The following PEAK1 variants were observed in gnomAD, a reference collection of about 807,000 sequenced individuals.
PEAK1 encodes inactive tyrosine-protein kinase PEAK1.
PEAK1 carries 54 observed loss-of-function variants against 124.7 expected under a neutral mutation model. That is an observed-to-expected ratio of 0.43 (90% CI 0.35 to 0.54). The LOEUF (loss-of-function observed/expected upper bound fraction) is 0.54. Among genes scored for constraint, PEAK1 ranks in the 20% least tolerant of loss-of-function variants. The pLI, the probability that PEAK1 is intolerant of heterozygous loss-of-function variation, is 0.01. For missense variants in PEAK1, 2,046 were observed against 2,134.5 expected (o/e 0.96, Z 0.82); for synonymous variants, 719 against 760.0 (o/e 0.95, Z 0.89).
At chr15:77,164,832 G>C (rs1169788864) in intron 7 of PEAK1, among the ~76,000 whole-genome samples, 1 of 152,104 alleles carries the variant, frequency 6.6e-6, no homozygotes, top group Non-Finnish European at 1.5e-5. Context: ...GAAAAGGCAA[G>C]GTATTAGAAG....
At chr15:77,209,039 C>A (rs867095537) in intron 6 of PEAK1, among the ~76,000 whole-genome samples, 2 of 152,180 alleles carry the variant, frequency 1.3e-5, no homozygotes, top group Middle Eastern at 3.4e-3. Flanking sequence ...TACAGACTAG[C>A]AAGTAAACTG....
At chr15:77,346,360 C>G (rs561250439) in intron 2 of PEAK1, 7 of 983,612 alleles carry the variant, frequency 7.1e-6, no homozygotes, top group Non-Finnish European at 8.5e-6. Context: ...GGAATTTGTT[C>G]CTGTTCTATA....
At chr15:77,123,019 A>G (rs934541604) in intron 9 of PEAK1, among the ~76,000 whole-genome samples, 3 of 149,748 alleles carry the variant, frequency 2.0e-5, no homozygotes, top group African/African-American at 7.3e-5. Context: ...TCCACAGTTC[A>G]CCTCTACATT....
intron 6 of PEAK1, among the ~76,000 whole-genome samples, chr15:77,249,150 T>A (rs1171361868): frequency 6.6e-6 from 1 of 152,048 alleles, no homozygotes; most frequent in Non-Finnish European, 1.5e-5. Context: ...TTTTTTTTTT[T>A]CTGGACAAAT....
At chr15:77,253,249 G>T (rs112577031) in intron 5 of PEAK1, among the ~76,000 whole-genome samples, 3,421 of 148,442 alleles carry the variant, frequency 0.023, 160 homozygotes, top group African/African-American at 0.075. Flanking sequence ...ATGCGTTGGG[G>T]GGGGGGTGGT....
intron 9 of PEAK1, among the ~76,000 whole-genome samples, chr15:77,132,093 T>C (rs892676615): frequency 1.6e-4 from 24 of 152,080 alleles, no homozygotes; most frequent in Admixed American, 1.6e-3. Context: ...ACCTACTTTT[T>C]TTTTTGAGAC....
intron 5 of PEAK1, among the ~76,000 whole-genome samples, chr15:77,255,703 T>C (rs1034863277): frequency 6.6e-6 from 1 of 152,166 alleles, no homozygotes; most frequent in African/African-American, 2.4e-5. Context: ...AATACACTTA[T>C]GGTTATAAAC....
intron 2 of PEAK1, among the ~76,000 whole-genome samples, chr15:77,364,949 CAA>C (rs770401951): frequency 7.2e-5 from 11 of 152,088 alleles, no homozygotes; most frequent in Non-Finnish European, 1.6e-4. Context: ...AAAATTCACT[CAA>C]AAGTATTTTA....
chr15:77,298,353 G>A (rs1318367415), intron 2 of PEAK1, among the ~76,000 whole-genome samples: 4 of 150,380 alleles, frequency 2.7e-5, no homozygotes, highest in Non-Finnish European at 5.9e-5. Flanking sequence ...CGAGTAGCTG[G>A]GACTACAGGC....
chr15:77,286,839 A>C (rs1337125932), intron 2 of PEAK1, among the ~76,000 whole-genome samples: 3 of 152,192 alleles, frequency 2.0e-5, no homozygotes, highest in African/African-American at 7.2e-5. Flanking sequence ...AGTGTAGTTT[A>C]TTATAATACA....
chr15:77,361,983 A>G (rs2067918294), intron 2 of PEAK1, among the ~76,000 whole-genome samples: 1 of 152,228 alleles, frequency 6.6e-6, no homozygotes, highest in Non-Finnish European at 1.5e-5. Context: ...CCAGAAACAA[A>G]AAGTTAAATA....
In PEAK1 at chr15:77,109,817, A is replaced by C. The variant is rs2050882607; in HGVS notation, c.*4339T>G. On this transcript the variant is annotated 3_prime_UTR_variant, in exon 10 of 10. Coordinates refer to ENST00000682557, the MANE Select transcript of PEAK1 (RefSeq NM_001385026.1). ...ATGAAAAACATGCCAGGGTTGGCCC[A>C]GCAAGTCCAGTTTGTCTCACCCCTC... is the stretch of plus-strand genomic sequence containing the variant. 1 of 152,226 alleles carries C rather than the reference A, an allele frequency of 6.6e-6. No homozygotes were observed. The highest frequency in any genetic ancestry group is 2.1e-4 in the South Asian group (1 of 4,832). The allele number at this position is 152,226 out of a possible 1,614,324, so 9.4% of individuals were successfully genotyped here.
intron 9 of PEAK1, among the ~76,000 whole-genome samples, chr15:77,130,925 C>A (rs374996356): frequency 1.8e-4 from 28 of 152,258 alleles, no homozygotes; most frequent in African/African-American, 6.3e-4. Flanking sequence ...AACAACAGCT[C>A]CATAAGATGG....
Position 77,111,984 on chromosome 15 carries a change from G to A in PEAK1, c.*2172C>T, listed in dbSNP as rs2051002567. The stretch of plus-strand genomic sequence containing the variant: ...TGCATAATCAGGCAAGGAGTTATGT[G>A]CACATGTTCTATGCTAAGATGAACC... On this transcript the variant is annotated 3_prime_UTR_variant, in exon 10 of 10. Transcript: ENST00000682557. 6.6e-6 allele frequency: 1 copy of A among 152,236 alleles called. No homozygotes were observed. The highest frequency in any genetic ancestry group is 2.4e-5 in the African/African-American group (1 of 41,462). The allele number at this position is 152,236 out of a possible 1,614,324, so 9.4% of individuals were successfully genotyped here.
chr15:77,189,334 A>G (rs1241404661), intron 6 of PEAK1, among the ~76,000 whole-genome samples: 2 of 152,232 alleles, frequency 1.3e-5, no homozygotes, highest in Non-Finnish European at 2.9e-5. Context: ...TGGCAGAGCC[A>G]GGATGAATGC....
intron 6 of PEAK1, among the ~76,000 whole-genome samples, chr15:77,226,813 T>C (rs2059698063): frequency 6.6e-6 from 1 of 152,096 alleles, no homozygotes; most frequent in African/African-American, 2.4e-5. Context: ...CTTTAATCCC[T>C]CTACTTCCTT....
intron 2 of PEAK1, among the ~76,000 whole-genome samples, chr15:77,312,837 G>GT (rs1231633273): frequency 2.6e-5 from 4 of 152,226 alleles, no homozygotes; most frequent in African/African-American, 9.6e-5. Flanking sequence ...GGCCAGCACT[G>GT]TGTCACAGGG....
intron 9 of PEAK1, among the ~76,000 whole-genome samples, chr15:77,118,879 A>G (rs1421076713): frequency 6.6e-6 from 1 of 152,138 alleles, no homozygotes; most frequent in Non-Finnish European, 1.5e-5. Flanking sequence ...GTTTGGGAAA[A>G]TCTACTTAAA....
At chr15:77,382,708 T>C (rs1355257076) in intron 1 of PEAK1, among the ~76,000 whole-genome samples, 2 of 152,194 alleles carry the variant, frequency 1.3e-5, no homozygotes, top group African/African-American at 4.8e-5. Context: ...CTCTTCTTTT[T>C]CTTCTATTTT....
Sources: gnomAD v4.1 joint callset for allele counts (sites outside exome capture counted in the v4.1 genomes callset) on GRCh38, gnomAD v4.1.1 for gene constraint, MANE v1.5 for transcripts, NCBI Gene and HGNC (gene_info 2026-07-23, HGNC 2026-07-21) for gene names.